The following FUT8 variants were observed in gnomAD, a reference collection of about 807,000 sequenced individuals.
The protein encoded by FUT8 is fucosyltransferase 8.
A neutral mutation model predicts 71.3 loss-of-function variants in FUT8; 29 were observed. The ratio of observed to expected loss-of-function variants is 0.41; its 90% CI spans 0.30 to 0.55. FUT8 has a LOEUF of 0.55. FUT8 is among the 20% of genes least tolerant of loss of function. The pLI is 0.34. For synonymous variants in FUT8, 254 were observed against 239.3 expected (o/e 1.06, Z -0.57); for missense variants, 544 against 702.1 (o/e 0.77, Z 2.55).
chr14:65,487,667 C>T (rs1379897320), intron 2 of FUT8, among the ~76,000 whole-genome samples: 2 of 151,866 alleles, frequency 1.3e-5, no homozygotes, highest in Non-Finnish European at 2.9e-5. Flanking sequence ...AGTTCCAGCC[C>T]CCCAAAATAG....
chr14:65,689,751 C>A (rs749211098), intron 7 of FUT8, among the ~76,000 whole-genome samples: 83 of 152,332 alleles, frequency 5.4e-4, no homozygotes, highest in Middle Eastern at 6.8e-3. Flanking sequence ...ATTGGCCAGA[C>A]TGGTCTTGAA....
At position 65,626,874 on chromosome 14, in the gene FUT8, G is replaced by T. The variant is rs147081595; in HGVS notation, c.483-2618G>T. 1.7e-4 allele frequency among the ~76,000 whole-genome samples: 26 copies of T among 152,238 alleles called. No individual in the cohort carries two copies. In the East Asian group the frequency reaches 5.0e-3, roughly 29 times the overall value. On this transcript the variant is annotated intron_variant, in intron 5 of 10. Transcript: ENST00000673929. The stretch of plus-strand genomic sequence containing the variant: ...ATAAGCAAATAATCCATAATCTTAA[G>T]CATGCCAGAGGAGTTAATACAAAGT...
At chr14:65,622,034 G>A (rs1889643681) in intron 5 of FUT8, among the ~76,000 whole-genome samples, 2 of 152,192 alleles carry the variant, frequency 1.3e-5, no homozygotes, top group South Asian at 2.1e-4. Flanking sequence ...ATGTTGGCCA[G>A]GCTGGTCTCA....
chr14:65,586,394 A>T (rs1215602270), intron 3 of FUT8, among the ~76,000 whole-genome samples: 1 of 152,240 alleles, frequency 6.6e-6, no homozygotes, highest in East Asian at 1.9e-4. Flanking sequence ...ATAGGCAGGC[A>T]TTCCCAAATA....
At chr14:65,391,054 A>G in the FUT8 span, among the ~76,000 whole-genome samples, 1 of 152,088 alleles carries the variant, frequency 6.6e-6, no homozygotes, top group African/African-American at 2.4e-5. Context: ...GGAAATAATT[A>G]TCATGCTAGT....
rs151271028 is a variant in FUT8 at position 65,616,223 on chromosome 14, A to T, written c.332A>T (p.Asp111Val). ...KKQTRNGLGK[D>V]HEILRRRIEN... ...TCTTTGACTACAGGTCTGGGGAAGG[A>T]TCATGAAATCCTGAGGAGGAGGATT... The change falls in exon 5 of 11, where the codon GAT (aspartate) becomes GTT (valine). Residue 111 changes from aspartate to valine, a missense_variant. Transcript: ENST00000673929. The T allele has an allele frequency of 8.7e-6, 14 of 1,605,946 alleles. No homozygotes were observed. The highest frequency in any genetic ancestry group is 1.7e-4 in the Middle Eastern group (1 of 6,014).
At chr14:65,642,077 G>T (rs759112000) in intron 6 of FUT8, among the ~76,000 whole-genome samples, 27 of 151,976 alleles carry the variant, frequency 1.8e-4, no homozygotes, top group Non-Finnish European at 3.5e-4. Flanking sequence ...TTATGCTTTT[G>T]TATTTCGTAT....
intron 6 of FUT8, among the ~76,000 whole-genome samples, chr14:65,642,311 A>G (rs1451325048): frequency 6.6e-6 from 1 of 152,172 alleles, no homozygotes; most frequent in Non-Finnish European, 1.5e-5. Flanking sequence ...TTTATCAAAA[A>G]TCAATTGACT....
chr14:65,582,310 T>A (rs551141547), intron 3 of FUT8, among the ~76,000 whole-genome samples: 1 of 152,216 alleles, frequency 6.6e-6, no homozygotes, highest in African/African-American at 2.4e-5. Flanking sequence ...TATTTTGATA[T>A]AAGAATATAT....
intron 3 of FUT8, among the ~76,000 whole-genome samples, chr14:65,597,553 G>A (rs1888053710): frequency 6.6e-6 from 1 of 151,942 alleles, no homozygotes; most frequent in African/African-American, 2.4e-5. Flanking sequence ...AACCCGGGAG[G>A]CGGAGTTTGC....
rs186222720 is a variant in FUT8, at chr14:65,712,229, G to C, written c.836-9546G>C. 4.0e-3 allele frequency among the ~76,000 whole-genome samples: 602 copies of C among 152,164 alleles called. 4 individuals are homozygous for C. Among genetic ancestry groups the C allele is most frequent in the African/African-American group, 0.014 (587 of 41,508 alleles). The stretch of plus-strand genomic sequence containing the variant: ...GGTCGTGAATATGTAAAATAAACTC[G>C]GTGCTGGCTATCACATTTTGGATTA... On this transcript the variant is annotated intron_variant, in intron 7 of 10. Coordinates refer to ENST00000673929, the MANE Select transcript of FUT8 (RefSeq NM_001371533.1).
chr14:65,558,222 C>T (rs1469058506), intron 2 of FUT8, among the ~76,000 whole-genome samples: 1 of 150,936 alleles, frequency 6.6e-6, no homozygotes, highest in Non-Finnish European at 1.5e-5. Flanking sequence ...GTCTCAGCTA[C>T]TCGGGAGGCT....
chr14:65,741,037 A>C (rs1378681683), intron 10 of FUT8, among the ~76,000 whole-genome samples: 1 of 151,984 alleles, frequency 6.6e-6, no homozygotes, highest in Non-Finnish European at 1.5e-5. Context: ...GATTACCATA[A>C]CTGGAGATTT....
chr14:65,407,251 T>C (rs1173747866), upstream of FUT8, among the ~76,000 whole-genome samples: 1 of 152,198 alleles, frequency 6.6e-6, no homozygotes, highest in African/African-American at 2.4e-5. Flanking sequence ...TCAATTTTGA[T>C]GAAGAAATTA....
intron 2 of FUT8, among the ~76,000 whole-genome samples, chr14:65,476,761 A>G (rs1471860889): frequency 6.6e-6 from 1 of 150,732 alleles, no homozygotes; most frequent in Non-Finnish European, 1.5e-5. Flanking sequence ...GGGCTCAAGC[A>G]TAGAAATAGA....
chr14:65,482,797 T>G (rs1357167065), intron 2 of FUT8, among the ~76,000 whole-genome samples: 1 of 152,152 alleles, frequency 6.6e-6, no homozygotes, highest in African/African-American at 2.4e-5. Flanking sequence ...TTTTGTCAGC[T>G]GACAATGTTA....
chr14:65,402,728 G>C, the FUT8 span, among the ~76,000 whole-genome samples: 1 of 152,050 alleles, frequency 6.6e-6, no homozygotes, highest in Non-Finnish European at 1.5e-5. Context: ...TCCAACTCCT[G>C]GGCTCAAACA....
chr14:65,396,861 G>A, the FUT8 span, among the ~76,000 whole-genome samples: 2 of 152,162 alleles, frequency 1.3e-5, no homozygotes, highest in African/African-American at 2.4e-5. The surrounding 1 kb of genome is among the most constrained non-coding windows in gnomAD (Gnocchi z 5.5). Context: ...AAGAGATGGA[G>A]TCTTGCTAGT....
rs1184514559 is a variant in FUT8 at position 65,523,383 on chromosome 14, T to G, written c.-227-37954T>G. ...TGCATAAATGTCTTCTTATGAGAAG[T>G]GTCTATTCATATCCTTCGCCCATTT... is the stretch of plus-strand genomic sequence containing the variant. On this transcript the variant is annotated intron_variant, in intron 2 of 10. Transcript: ENST00000673929. Among the ~76,000 whole-genome samples, 6 of 152,238 alleles carry G rather than the reference T, an allele frequency of 3.9e-5. 1 individual carries two copies. The South Asian group carries it at 6.2e-4, about 16-fold the overall frequency.
Sources: allele counts gnomAD v4.1 joint callset (sites outside exome capture counted in the v4.1 genomes callset), GRCh38; gene constraint gnomAD v4.1.1; non-coding constraint Gnocchi (gnomAD v3.1); transcripts MANE v1.5; gene names NCBI Gene and HGNC (gene_info 2026-07-23, HGNC 2026-07-21).